PFKM: variants seen among roughly 807,000 people sequenced by gnomAD.
The protein encoded by PFKM is phosphofructokinase, muscle.
In PFKM, 58 loss-of-function variants were observed where a neutral mutation model predicts 95.5. The observed-to-expected ratio is 0.61, with a 90% CI of 0.49 to 0.76. The LOEUF (loss-of-function observed/expected upper bound fraction) is 0.76. Among genes scored for constraint, PFKM ranks in the 30% least tolerant of loss-of-function variants. The pLI is 0.00. For missense variants in PFKM, 678 were observed against 1,005.4 expected (o/e 0.67, Z 4.40); for synonymous variants, 336 against 357.2 (o/e 0.94, Z 0.67).
intron 3 of PFKM, among the ~76,000 whole-genome samples, chr12:48,111,184 T>C (rs184679186): frequency 4.9e-4 from 74 of 152,260 alleles, no homozygotes; most frequent in Admixed American, 4.4e-3. Flanking sequence ...GACCTGAAAA[T>C]GTGGGAAGCA....
chr12:48,132,501 A>G (rs1292449433), intron 4 of PFKM, among the ~76,000 whole-genome samples: 2 of 152,222 alleles, frequency 1.3e-5, no homozygotes, highest in African/African-American at 4.8e-5. Flanking sequence ...ATGTCAGGCC[A>G]TTAGGGAGAA....
chr12:48,108,799 A>G (rs79976589), intron 3 of PFKM, among the ~76,000 whole-genome samples: 2,882 of 152,348 alleles, frequency 0.019, 33 homozygotes, highest in Middle Eastern at 0.031. Flanking sequence ...TTGCCCAATA[A>G]TATACTGGAA....
chr12:48,142,196 G>T, intron 17 of PFKM, 130 bp downstream of exon 17: 2 of 980,472 alleles, frequency 2.0e-6, no homozygotes, highest in East Asian at 2.4e-5. Flanking sequence ...TCTTCAGCTG[G>T]GCATGGTGGC....
In PFKM at chr12:48,145,823, T is replaced by C; in HGVS notation, c.*115T>C. ...TTTCATTAGGTTTCCTTTTATTCTG[T>C]ACCTTGCAGCCATGACCAGTTCTGG... On this transcript the variant is annotated 3_prime_UTR_variant, in exon 23 of 23. Transcript: ENST00000359794. The surrounding 1 kb of genome is among the most constrained non-coding windows in gnomAD (Gnocchi z 4.3). The C allele has an allele frequency of 8.3e-7, 1 of 1,200,346 alleles. No homozygotes were observed. The allele number at this position is 1,200,346 out of a possible 1,614,324, so 74.4% of individuals were successfully genotyped here.
chr12:48,134,920 T>A (rs749273207), intron 8 of PFKM, 23 bp from the exon 9 acceptor site: 49 of 1,606,036 alleles, frequency 3.1e-5, no homozygotes, highest in Middle Eastern at 1.6e-4. Context: ...CCATGGACCA[T>A]TTTACCCTTT....
chr12:48,131,685 AG>A lies in PFKM; in HGVS notation c.237+295del, dbSNP rs951989177. The stretch of plus-strand genomic sequence containing the variant: ...TAAGCAGATCTTACTCTAGGGTCAC[AG>A]GGAAGGTCTGGCCCTGAAAATAACC... On this transcript the variant is annotated intron_variant, in intron 4 of 22. Coordinates refer to ENST00000359794, the MANE Select transcript of PFKM (RefSeq NM_000289.6). The A allele has an allele frequency of 2.3e-5, 10 of 442,508 alleles. No individual in the cohort carries two copies. The East Asian group carries it at 4.8e-4, about 21-fold the overall frequency. The allele number at this position is 442,508 out of a possible 1,614,324, so 27.4% of individuals were successfully genotyped here.
At chr12:48,131,642 A>T (rs1207520568) in intron 4 of PFKM, 1 of 528,892 alleles carries the variant, frequency 1.9e-6, no homozygotes, top group African/African-American at 1.9e-5. Context: ...CATAAACAAG[A>T]CTATGGGGAC....
exon 2 of PFKM, chr12:48,107,373 C>CA (rs774447175): frequency 6.3e-7 from 1 of 1,591,796 alleles, no homozygotes; most frequent in Non-Finnish European, 8.5e-7. Flanking sequence ...AGGAGGCAGC[C>CA]ATGCATAAAG....
chr12:48,145,843 T>C lies in PFKM; in HGVS notation c.*135T>C. ...TTCTGTACCTTGCAGCCATGACCAG[T>C]TCTGGCCAGGAGCTGGAGGAGCAGG... On this transcript the variant is annotated 3_prime_UTR_variant, in exon 23 of 23. Transcript: ENST00000359794. The surrounding 1 kb of genome is among the most constrained non-coding windows in gnomAD (Gnocchi z 4.3). The C allele has an allele frequency of 2.1e-6, 2 of 966,772 alleles. No homozygotes were observed. Among genetic ancestry groups the C allele is most frequent in the Admixed American group, 2.1e-5 (1 of 48,032 alleles). The allele number at this position is 966,772 out of a possible 1,614,324, so 59.9% of individuals were successfully genotyped here. A position where few individuals can be genotyped will look rare whatever the true frequency, so the allele number is the denominator to read the frequency against.
chr12:48,110,002 AAGAC>A (rs1592575211), intron 3 of PFKM, among the ~76,000 whole-genome samples: 1 of 152,368 alleles, frequency 6.6e-6, no homozygotes, highest in Non-Finnish European at 1.5e-5. Flanking sequence ...TTGTGGGACT[AAGAC>A]AGTAATCACA....
intron 2 of PFKM, among the ~76,000 whole-genome samples, chr12:48,124,066 A>C (rs1201036208): frequency 6.6e-6 from 1 of 152,262 alleles, no homozygotes. Flanking sequence ...GAGGTTCACC[A>C]GTGATACATC....
intron 3 of PFKM, among the ~76,000 whole-genome samples, chr12:48,110,490 C>G (rs1042342753): frequency 6.6e-6 from 1 of 152,184 alleles, no homozygotes; most frequent in Non-Finnish European, 1.5e-5. Flanking sequence ...TTTCTCACCT[C>G]TAGGCAATGC....
chr12:48,123,131 C>G (rs918551864), intron 2 of PFKM, among the ~76,000 whole-genome samples: 3 of 152,110 alleles, frequency 2.0e-5, no homozygotes, highest in Admixed American at 1.3e-4. Flanking sequence ...TTTTCTCAAG[C>G]AGCATTGGAA....
At chr12:48,112,234 T>C (rs1434247985) in intron 3 of PFKM, among the ~76,000 whole-genome samples, 1 of 151,998 alleles carries the variant, frequency 6.6e-6, no homozygotes, top group Non-Finnish European at 1.5e-5. Context: ...ATCTGTGGGG[T>C]CAGCTAGGTT....
intron 1 of PFKM, among the ~76,000 whole-genome samples, chr12:48,121,782 A>T (rs1424670111): frequency 6.6e-6 from 1 of 152,132 alleles, no homozygotes; most frequent in Admixed American, 6.5e-5. Context: ...AAAGGAGGGG[A>T]TGGATAAAGG....
At chr12:48,128,087 G>A (rs1949038225) in intron 2 of PFKM, among the ~76,000 whole-genome samples, 1 of 151,912 alleles carries the variant, frequency 6.6e-6, no homozygotes, top group African/African-American at 2.4e-5. Context: ...ACCTTTATTT[G>A]TGCTATTCCC....
At chr12:48,141,080 T>A (rs1323698434) in intron 14 of PFKM, among the ~76,000 whole-genome samples, 1 of 152,186 alleles carries the variant, frequency 6.6e-6, no homozygotes, top group Admixed American at 6.5e-5. Flanking sequence ...CTTATTTAAT[T>A]CTCTGTCCCA....
At chr12:48,130,167 A>C (rs1043038042) in intron 2 of PFKM, among the ~76,000 whole-genome samples, 196 bp from the exon 3 acceptor site, 1 of 152,232 alleles carries the variant, frequency 6.6e-6, no homozygotes. Flanking sequence ...GATTATCTGA[A>C]GCTCCAGTAA....
At chr12:48,118,069 A>G (rs1343954787), upstream of PFKM, among the ~76,000 whole-genome samples, 1 of 152,248 alleles carries the variant, frequency 6.6e-6, no homozygotes, top group Admixed American at 6.5e-5. Flanking sequence ...CAGGTTTCAG[A>G]GAATAGATTG....
Sources: gnomAD v4.1 joint callset for allele counts (sites outside exome capture counted in the v4.1 genomes callset) on GRCh38, gnomAD v4.1.1 for gene constraint, Gnocchi (gnomAD v3.1) non-coding constraint, MANE v1.5 for transcripts, NCBI Gene and HGNC (gene_info 2026-07-23, HGNC 2026-07-21) for gene names.